Variants in CROCC2 observed in about 807,000 individuals in gnomAD.
The protein encoded by CROCC2 is ciliary rootlet coiled-coil protein 2.
A neutral mutation model predicts 177.6 loss-of-function variants in CROCC2; 163 were observed. The observed-to-expected ratio is 0.92, with a 90% confidence interval of 0.81 to 1.05. The LOEUF (loss-of-function observed/expected upper bound fraction) is 1.05. Among genes scored for constraint, CROCC2 ranks in the 50% least tolerant of loss-of-function variants. The pLI is 0.00. For missense variants in CROCC2, 1,929 were observed against 1,797.8 expected (o/e 1.07, Z -1.32); for synonymous variants, 904 against 787.3 (o/e 1.15, Z -2.48).
In CROCC2 at chr2:240,949,179, G is replaced by A. The variant is rs561090582; in HGVS notation, c.2482+82G>A. The A allele has an allele frequency of 3.3e-5, 48 of 1,453,904 alleles. No individual in the cohort carries two copies. The highest frequency in any genetic ancestry group is 3.9e-5 in the Non-Finnish European group (43 of 1,107,340). The allele number at this position is 1,453,904 out of a possible 1,614,324, so 90.1% of individuals were successfully genotyped here. Reference sequence around the variant, plus strand: ...CTGGAATGGAGCTCAGTGCCCACACGTGCTGCACCCCCTCTCCGGAGCCCA... The same window carrying A: ...CTGGAATGGAGCTCAGTGCCCACACATGCTGCACCCCCTCTCCGGAGCCCA... On this transcript the variant is annotated intron_variant, in intron 16 of 31. Transcript: ENST00000690015. This position sits in a 1 kb window ranked among gnomAD's most constrained non-coding sequence, Gnocchi z 4.5.
chr2:240,925,568 C>A (rs2059390670), intron 4 of CROCC2, among the ~76,000 whole-genome samples, 156 bp from the exon 5 acceptor site: 2 of 152,166 alleles, frequency 1.3e-5, no homozygotes, highest in Non-Finnish European at 2.9e-5. Context: ...GGGCCCATGG[C>A]AGGTGGGGGC....
At chr2:240,967,569 C>T (rs1040067928) in intron 26 of CROCC2, 104 bp downstream of exon 26, 48 of 1,502,314 alleles carry the variant, frequency 3.2e-5, no homozygotes, top group African/African-American at 4.2e-5. Flanking sequence ...CCTGGGGCAG[C>T]TCGGTGGGAA....
intron 5 of CROCC2, chr2:240,929,749 T>C: frequency 2.2e-6 from 1 of 464,572 alleles, no homozygotes; most frequent in Non-Finnish European, 4.3e-6. Flanking sequence ...TCCATTGGAG[T>C]GGCAGGGCAG....
intron 31 of CROCC2, 131 bp downstream of exon 31, chr2:240,991,409 T>C (rs995198727): frequency 4.3e-5 from 32 of 741,644 alleles, no homozygotes; most frequent in Non-Finnish European, 1.1e-5. Flanking sequence ...AACCAATGCC[T>C]TGTGCTCTGC....
intron 28 of CROCC2, among the ~76,000 whole-genome samples, chr2:240,987,628 C>T (rs2059849435): frequency 6.6e-6 from 1 of 152,244 alleles, no homozygotes; most frequent in African/African-American, 2.4e-5. Context: ...GCTAAGAGGG[C>T]AGGTTTGTGG....
chr2:240,934,076 G>C (rs1451127931), intron 11 of CROCC2, among the ~76,000 whole-genome samples: 1 of 152,176 alleles, frequency 6.6e-6, no homozygotes, highest in African/African-American at 2.4e-5. Flanking sequence ...CCCCACCTGG[G>C]CCACCACCCC....
At chr2:240,948,373 T>C (rs1440485697) in intron 15 of CROCC2, among the ~76,000 whole-genome samples, 1 of 152,172 alleles carries the variant, frequency 6.6e-6, no homozygotes, top group Non-Finnish European at 1.5e-5. Context: ...TGCCAGGGTC[T>C]CTGTGGCCCA....
chr2:240,920,032 C>T lies in CROCC2; in HGVS notation c.279C>T (p.Asn93=), dbSNP rs116904206. 3,009 of 716,592 alleles carry T rather than the reference C, an allele frequency of 4.2e-3. 111 individuals carry two copies. The East Asian group carries it at 0.07, about 17-fold the overall frequency. 44.4% of individuals were successfully genotyped at this position (716,592 alleles called of 1,614,324 possible). A position where few individuals can be genotyped will look rare whatever the true frequency, so the allele number is the denominator to read the frequency against. ...CTGTGGCCCGAGTGCAAGAGGAGAA[C>T]GAGCTCCTGCAGGAGGAGCTGACCC... ...TATVARVQEE[N]ELLQEELTRL... is the part of the protein sequence containing the mutation. Residue 93 remains asparagine, a synonymous_variant, in exon 3 of 32, where the codon AAC becomes AAT. Coordinates refer to ENST00000690015, the MANE Select transcript of CROCC2 (RefSeq NM_001351305.2).
rs12467536 is a variant in CROCC2, at chr2:240,965,364, C to T, written c.3466-17C>T. On this transcript the variant is annotated splice_polypyrimidine_tract_variant and intron_variant, in intron 22 of 31. Transcript: ENST00000690015. ...ACAGAGACCAGTGACCCTGTCCGTG[C>T]GGCCCCACGCTCCCAGGTGAGGACA... 0.29 allele frequency: 444,934 copies of T among 1,548,266 alleles called. 65,700 individuals are homozygous for T. The highest frequency in any genetic ancestry group is 0.31 in the Non-Finnish European group (354,857 of 1,146,382).
chr2:240,968,018 C>A (rs1300723219), intron 26 of CROCC2, 111 bp from the exon 27 acceptor site: 4 of 1,167,572 alleles, frequency 3.4e-6, no homozygotes, highest in Non-Finnish European at 4.5e-6. Context: ...CAAGGATGGA[C>A]CCCCACCTCC....
At chr2:240,919,026 GGGCCCGGGGCTGGGC>G in intron 2 of CROCC2, 150 bp downstream of exon 2, 1 of 470,866 alleles carries the variant, frequency 2.1e-6, no homozygotes, top group African/African-American at 4.5e-5. Flanking sequence ...GGACAGTCCT[GGGCCCGGGGCTGGGC>G]AAGGTGATGG....
At chr2:240,990,335 C>T (rs1288905833) in intron 30 of CROCC2, among the ~76,000 whole-genome samples, 1 of 152,184 alleles carries the variant, frequency 6.6e-6, no homozygotes, top group Non-Finnish European at 1.5e-5. Context: ...GTGCACTGCA[C>T]ACCCACACAT....
chr2:240,944,036 A>G lies in CROCC2; in HGVS notation c.2170-2024A>G, dbSNP rs368855357. Reference sequence around the variant, plus strand: ...TTGGTTTTCAACAACCCACCTCACCATTATCAGAAGCAGAAAGTCCTGGTT... The same window carrying G: ...TTGGTTTTCAACAACCCACCTCACCGTTATCAGAAGCAGAAAGTCCTGGTT... On this transcript the variant is annotated intron_variant, in intron 14 of 31. Transcript: ENST00000690015. Among the ~76,000 whole-genome samples, 19 of 152,320 alleles carry G rather than the reference A, an allele frequency of 1.2e-4. 1 individual carries two copies. Among genetic ancestry groups the G allele is most frequent in the African/African-American group, 4.3e-4 (18 of 41,558 alleles).
chr2:240,973,684 A>G lies in CROCC2; in HGVS notation c.4401+5422A>G, dbSNP rs972436116. Among the ~76,000 whole-genome samples, 15 of 152,248 alleles carry G rather than the reference A, an allele frequency of 9.9e-5. No homozygotes were observed. Among genetic ancestry groups the G allele is most frequent in the African/African-American group, 3.6e-4 (15 of 41,466 alleles). On this transcript the variant is annotated intron_variant, in intron 27 of 31. Coordinates refer to ENST00000690015, the MANE Select transcript of CROCC2 (RefSeq NM_001351305.2). This position sits in a 1 kb window ranked among gnomAD's most constrained non-coding sequence, Gnocchi z 4.7. ...ACAGCTAGCAGAGCAGCTTAGGGCC[A>G]GCGGGGCCCACAAGGTGGACACTGA...
In CROCC2 at chr2:240,948,976, CAGGGTGGAG is replaced by C; in HGVS notation, c.2366_2374del (p.Val789_Arg791del). ...TTGCCCATTGTTTGCTGCATCTTTG[CAGGGTGGAG>C]AGGGACTCCCTGGAGAGCAGCCTCC... On this transcript the variant is annotated splice_acceptor_variant and coding_sequence_variant, in exon 16 of 32. Coordinates refer to ENST00000690015, the MANE Select transcript of CROCC2 (RefSeq NM_001351305.2). LOFTEE classifies it high-confidence loss of function. The C allele has an allele frequency of 6.5e-7, 1 of 1,550,348 alleles. No homozygotes were observed. The highest frequency in any genetic ancestry group is 8.7e-7 in the Non-Finnish European group (1 of 1,146,908).
chr2:240,946,911 G>C (rs2059527737), intron 15 of CROCC2, among the ~76,000 whole-genome samples: 1 of 152,284 alleles, frequency 6.6e-6, no homozygotes, highest in Admixed American at 6.5e-5. Context: ...ATGAGGTGGA[G>C]AGTGTGGGCG....
chr2:240,943,047 G>C (rs1384690361), intron 14 of CROCC2, among the ~76,000 whole-genome samples: 1 of 151,990 alleles, frequency 6.6e-6, no homozygotes, highest in Non-Finnish European at 1.5e-5. Flanking sequence ...GGTCTTTGTT[G>C]CCCAGGCTGG....
chr2:240,949,174 C>T lies in CROCC2; in HGVS notation c.2482+77C>T, dbSNP rs891762648. 6.9e-7 allele frequency: 1 copy of T among 1,459,284 alleles called. No individual in the cohort carries two copies. Among genetic ancestry groups the T allele is most frequent in the Non-Finnish European group, 9.0e-7 (1 of 1,109,692 alleles). The allele number at this position is 1,459,284 out of a possible 1,614,324, so 90.4% of individuals were successfully genotyped here. A position where few individuals can be genotyped will look rare whatever the true frequency, so the allele number is the denominator to read the frequency against. The stretch of plus-strand genomic sequence containing the variant: ...GGCCCCTGGAATGGAGCTCAGTGCC[C>T]ACACGTGCTGCACCCCCTCTCCGGA... On this transcript the variant is annotated intron_variant, in intron 16 of 31. Coordinates refer to ENST00000690015, the MANE Select transcript of CROCC2 (RefSeq NM_001351305.2). The surrounding 1 kb of genome is among the most constrained non-coding windows in gnomAD (Gnocchi z 4.5).
chr2:240,975,150 C>T (rs73107864), intron 27 of CROCC2, among the ~76,000 whole-genome samples: 3,442 of 152,250 alleles, frequency 0.023, 157 homozygotes, highest in African/African-American at 0.079. Flanking sequence ...TGAGATTTTC[C>T]AAGAAAATTT....
Sources: gnomAD v4.1 joint callset for allele counts (sites outside exome capture counted in the v4.1 genomes callset) on GRCh38, gnomAD v4.1.1 for gene constraint, Gnocchi (gnomAD v3.1) non-coding constraint, MANE v1.5 for transcripts, NCBI Gene and HGNC (gene_info 2026-07-23, HGNC 2026-07-21) for gene names.